ZNF638: variants seen among roughly 807,000 people sequenced by gnomAD.
ZNF638 encodes the protein CTCL tumor antigen se33-1.
ZNF638 carries 46 observed loss-of-function variants against 195.6 expected under a neutral mutation model. The ratio of observed to expected loss-of-function variants is 0.24; its 90% confidence interval spans 0.19 to 0.30. The LOEUF (loss-of-function observed/expected upper bound fraction) is 0.30. Ranked by LOEUF, ZNF638 falls within the 10% of genes least tolerant of loss-of-function variation. The pLI, the probability that ZNF638 is intolerant of heterozygous loss-of-function variation, is 1.00. For missense variants in ZNF638, 2,440 were observed against 2,325.3 expected (o/e 1.05, Z -1.01); for synonymous variants, 845 against 772.0 (o/e 1.09, Z -1.57).
At chr2:71,388,419 T>C (rs1558861319) in intron 10 of ZNF638, 1 of 678,006 alleles carries the variant, frequency 1.5e-6, no homozygotes, top group Admixed American at 2.0e-5. Context: ...GCAGGACTGC[T>C]CCCTACAGGC....
At chr2:71,339,972 G>T (rs545588259) in intron 1 of ZNF638, among the ~76,000 whole-genome samples, 1 of 152,088 alleles carries the variant, frequency 6.6e-6, no homozygotes, top group East Asian at 1.9e-4. Flanking sequence ...AAATAAAAAG[G>T]TATATCTTAC....
rs1181123357 is a variant in ZNF638, at chr2:71,335,448, A to G, written c.-203+3573A>G. On this transcript the variant is annotated intron_variant, in intron 1 of 27. Transcript: ENST00000264447. ...ATTCAAGTTTTAAAAAAAATTTCCT[A>G]TCTTATTTCCACAGTCGGTTAAACT... 3.3e-5 allele frequency among the ~76,000 whole-genome samples: 5 copies of G among 152,200 alleles called. No homozygotes were observed. The East Asian group carries it at 9.6e-4, about 29-fold the overall frequency.
chr2:71,370,449 A>G (rs1165842501), intron 8 of ZNF638, among the ~76,000 whole-genome samples: 1 of 152,110 alleles, frequency 6.6e-6, no homozygotes, highest in Non-Finnish European at 1.5e-5. Flanking sequence ...TTGGGCCTTT[A>G]CTTCCTTAGA....
intron 21 of ZNF638, 140 bp downstream of exon 21, chr2:71,418,779 A>G (rs2080358851): frequency 5.8e-6 from 3 of 513,018 alleles, no homozygotes; most frequent in East Asian, 3.3e-5. Context: ...GGCTTGTTAC[A>G]GTTTTCTTTT....
intron 6 of ZNF638, 80 bp from the exon 7 acceptor site, chr2:71,368,302 A>G (rs527554405): frequency 7.2e-7 from 1 of 1,380,840 alleles, no homozygotes; most frequent in South Asian, 1.5e-5. Flanking sequence ...TTAGTGGTAG[A>G]AGAAATTATA....
chr2:71,383,973 C>T (rs1173738995), intron 10 of ZNF638, among the ~76,000 whole-genome samples: 1 of 151,774 alleles, frequency 6.6e-6, no homozygotes, highest in Non-Finnish European at 1.5e-5. Flanking sequence ...TCTTCTATCC[C>T]CTTGAGTATA....
At position 71,423,106 on chromosome 2, in the gene ZNF638, T is replaced by C. The variant is rs79157966; in HGVS notation, c.3592T>C (p.Cys1198Arg). 7.0e-3 allele frequency: 11,309 copies of C among 1,613,824 alleles called. 48 individuals are homozygous for C. Among genetic ancestry groups the C allele is most frequent in the Non-Finnish European group, 8.6e-3 (10,192 of 1,179,914 alleles). The change falls in exon 22 of 28, where the codon TGT (cysteine) becomes CGT (arginine). Residue 1198 changes from cysteine to arginine, a missense_variant. Physicochemically the swap from Cys to Arg is radical, Grantham distance 180 (BLOSUM62 -3). This residue lies in a region of ZNF638 where 1,883 missense variants were observed against 1,739.1 expected (regional missense o/e 1.08). Coordinates refer to ENST00000264447, the MANE Select transcript of ZNF638 (RefSeq NM_014497.5). ...IEQFTENAEE[C>R]ALNQQMFNSD... ...ACAATTCACTGAAAATGCCGAGGAG[T>C]GTGCTTTAAATCAGCAGATGTTTAA...
intron 4 of ZNF638, 103 bp from the exon 5 acceptor site, chr2:71,363,851 T>C: frequency 7.5e-7 from 1 of 1,340,770 alleles, no homozygotes; most frequent in East Asian, 2.5e-5. Flanking sequence ...GAGAGTTTGG[T>C]ATTGTTAACA....
chr2:71,426,250 A>C lies in ZNF638; in HGVS notation c.4591-210A>C, dbSNP rs2080537361. ...AAAGTGGAATTAGGTTGATACTGTTAGAATTTTACTTTTGGATTATACTTT... is the reference window on the plus strand; with the variant it reads ...AAAGTGGAATTAGGTTGATACTGTTCGAATTTTACTTTTGGATTATACTTT... On this transcript the variant is annotated intron_variant, in intron 23 of 27. Transcript: ENST00000264447. Among the ~76,000 whole-genome samples, 3 of 152,232 alleles carry C rather than the reference A, an allele frequency of 2.0e-5. No homozygotes were observed. The South Asian group carries it at 6.2e-4, about 31-fold the overall frequency.
chr2:71,369,093 G>C (rs934151739), intron 7 of ZNF638, among the ~76,000 whole-genome samples: 1 of 152,164 alleles, frequency 6.6e-6, no homozygotes, highest in Non-Finnish European at 1.5e-5. Flanking sequence ...GCAGCACTTT[G>C]GGAGGCTGAG....
At chr2:71,404,048 A>G (rs2080056519) in intron 17 of ZNF638, 50 bp downstream of exon 17, 1 of 1,555,660 alleles carries the variant, frequency 6.4e-7, no homozygotes, top group Non-Finnish European at 8.7e-7. Context: ...TTTAAATCAG[A>G]TTTGTTACAG....
chr2:71,388,508 C>G (rs2079695356), intron 10 of ZNF638: 2 of 706,404 alleles, frequency 2.8e-6, no homozygotes, highest in East Asian at 2.7e-5. Context: ...ACAAGCAGCT[C>G]CAGCTTATTG....
rs557240770 is a variant in ZNF638, at chr2:71,403,959, A to C, written c.2919A>C (p.Ser973=). 4.2e-5 allele frequency: 67 copies of C among 1,612,978 alleles called. No homozygotes were observed. The highest frequency in any genetic ancestry group is 5.5e-5 in the Non-Finnish European group (65 of 1,179,300). ...TATTGATGGATGGAAATCAACTCTC[A>C]ATAAGTATGGCTCCTGAAAACATGA... The part of the protein sequence containing the change: ...FPVLMDGNQL[S]ISMAPENMNI... The change falls in exon 17 of 28, where the codon TCA becomes TCC. Residue 973 remains serine, a synonymous_variant. Transcript: ENST00000264447.
intron 20 of ZNF638, among the ~76,000 whole-genome samples, chr2:71,409,166 ACTT>A (rs1041114695): frequency 6.6e-5 from 10 of 152,132 alleles, no homozygotes; most frequent in African/African-American, 2.2e-4. Flanking sequence ...ATTTACATAA[ACTT>A]CTGCCTGAAT....
rs1465774204 is a variant in ZNF638, at chr2:71,349,629, A to G, written c.675A>G (p.Glu225=). The G allele has an allele frequency of 6.2e-7, 1 of 1,614,214 alleles. No individual in the cohort carries two copies. The highest frequency in any genetic ancestry group is 1.7e-5 in the Admixed American group (1 of 60,028). ...SKYGYTEDPL[E]VRIYDPEIPT... is the part of the protein sequence containing the mutation. ...ATGGCTACACAGAAGATCCACTTGA[A>G]GTACGTATTTATGATCCTGAAATTC... Residue 225 remains glutamate (E), a synonymous_variant, in exon 2 of 28, where the codon GAA becomes GAG. Coordinates refer to ENST00000264447, the MANE Select transcript of ZNF638 (RefSeq NM_014497.5).
At position 71,402,083 on chromosome 2, in the gene ZNF638, A is replaced by G. The variant is rs758827605; in HGVS notation, c.2825A>G (p.Lys942Arg). ...GATATCTTGATTTTATCATCTCATA[A>G]AAAGGTAAGAGTTGATTAATAGCTG... Reference protein sequence around the residue: ...LKDILILSSHKKAYIEINRKA... With the variant: ...LKDILILSSHRKAYIEINRKA... Residue 942 changes from lysine to arginine, a missense_variant, in exon 16 of 28, where the codon AAA (lysine) becomes AGA (arginine). Coordinates refer to ENST00000264447, the MANE Select transcript of ZNF638 (RefSeq NM_014497.5). 6.2e-7 allele frequency: 1 copy of G among 1,605,222 alleles called. No homozygotes were observed. Among genetic ancestry groups the G allele is most frequent in the Non-Finnish European group, 8.5e-7 (1 of 1,175,960 alleles).
intron 16 of ZNF638, 78 bp downstream of exon 16, chr2:71,402,165 AAG>A (rs2080019747): frequency 6.9e-7 from 1 of 1,450,340 alleles, no homozygotes; most frequent in Non-Finnish European, 9.2e-7. Flanking sequence ...CAAAACTAAA[AAG>A]AAAAGGTTTA....
intron 3 of ZNF638, among the ~76,000 whole-genome samples, chr2:71,356,558 G>C (rs2079025976): frequency 6.6e-6 from 1 of 152,160 alleles, no homozygotes; most frequent in South Asian, 2.1e-4. Flanking sequence ...GGAAGGCTGA[G>C]ACAGGTAGGC....
chr2:71,434,441 A>G (rs1052546315), intron 27 of ZNF638, among the ~76,000 whole-genome samples: 1 of 152,074 alleles, frequency 6.6e-6, no homozygotes. Flanking sequence ...ACCGCCCCCA[A>G]AGTATTTTAT....
Sources: gnomAD v4.1 joint callset for allele counts (sites outside exome capture counted in the v4.1 genomes callset) on GRCh38, gnomAD v4.1.1 for gene constraint, gnomAD v4.1.1 regional missense constraint, MANE v1.5 for transcripts, NCBI Gene and HGNC (gene_info 2026-07-23, HGNC 2026-07-21) for gene names.